USP42: variants seen among roughly 807,000 people sequenced by gnomAD.
The protein encoded by USP42 is ubiquitin carboxyl-terminal hydrolase 42.
A neutral mutation model predicts 113.0 loss-of-function variants in USP42; 23 were observed. That is an observed-to-expected ratio of 0.20 (90% CI 0.15 to 0.29). The LOEUF is 0.29. Among genes scored for constraint, USP42 ranks in the 10% least tolerant of loss-of-function variants. The pLI, the probability that USP42 is intolerant of heterozygous loss-of-function variation, is 1.00. For missense variants in USP42, 2,174 were observed against 1,779.8 expected (o/e 1.22, Z -3.99); for synonymous variants, 933 against 699.0 (o/e 1.33, Z -5.28).
the USP42 span, among the ~76,000 whole-genome samples, chr7:6,092,017 C>CTTCTTCTTCTTCTTCTTCTT: frequency 9.6e-6 from 1 of 104,636 alleles, no homozygotes; most frequent in African/African-American, 3.8e-5. Context: ...TCTTCTTCTT[C>CTTCTTCTTCTTCTTCTTCTT]TTCTTCTTCT....
intron 3 of USP42, among the ~76,000 whole-genome samples, chr7:6,126,462 A>G (rs903230251): frequency 6.6e-6 from 1 of 151,580 alleles, no homozygotes; most frequent in African/African-American, 2.4e-5. Context: ...TTTTTTTTGT[A>G]TTTTTAGTAG....
chr7:6,111,087 A>C (rs751292352), intron 1 of USP42, 38 bp from the exon 2 acceptor site: 1 of 1,579,042 alleles, frequency 6.3e-7, no homozygotes, highest in African/African-American at 1.3e-5. Context: ...TGCTTTTCTC[A>C]CCTGATGAAA....
At chr7:6,147,347 CAGCTACTCAGGAGGCTG>C (rs1781772468) in intron 11 of USP42, among the ~76,000 whole-genome samples, 1 of 152,162 alleles carries the variant, frequency 6.6e-6, no homozygotes, top group Admixed American at 6.5e-5. Flanking sequence ...TCTGTGGTCC[CAGCTACTCAGGAGGCTG>C]AGGCAGGAGG....
intron 8 of USP42, among the ~76,000 whole-genome samples, chr7:6,143,254 G>A (rs577036158): frequency 3.3e-5 from 5 of 152,320 alleles, no homozygotes; most frequent in Non-Finnish European, 7.3e-5. Flanking sequence ...GGCAGATTCG[G>A]TGGGAGGAGA....
At position 6,154,756 on chromosome 7, in the gene USP42, C is replaced by A; in HGVS notation, c.3202C>A (p.Leu1068Met). The change falls in exon 15 of 18, where the codon CTG becomes ATG. Residue 1068 changes from leucine (L) to methionine (M), a missense_variant. Transcript: ENST00000306177. ...RCRYYHDRYA[L>M]YAARDWKPFH... Reference sequence around the variant, plus strand: ...CCGGTACTACCATGACAGGTACGCCCTGTACGCTGCCCGGGACTGGAAGCC... The same window carrying A: ...CCGGTACTACCATGACAGGTACGCCATGTACGCTGCCCGGGACTGGAAGCC... The A allele has an allele frequency of 6.4e-7, 1 of 1,561,878 alleles. No individual in the cohort carries two copies. The highest frequency in any genetic ancestry group is 1.4e-5 in the African/African-American group (1 of 73,552).
At chr7:6,140,045 G>A in intron 5 of USP42, 83 bp from the exon 6 acceptor site, 1 of 1,215,486 alleles carries the variant, frequency 8.2e-7, no homozygotes, top group Non-Finnish European at 1.2e-6. Context: ...TCTTTTGTGA[G>A]CTCCCATGTG....
the USP42 span, among the ~76,000 whole-genome samples, chr7:6,091,099 G>A: frequency 6.6e-6 from 1 of 150,760 alleles, no homozygotes; most frequent in South Asian, 2.1e-4. Context: ...ACTTACTTCG[G>A]TTTATTGCAT....
the USP42 span, among the ~76,000 whole-genome samples, chr7:6,092,427 C>T: frequency 1.3e-5 from 2 of 150,798 alleles, no homozygotes; most frequent in African/African-American, 2.5e-5. Flanking sequence ...GATCTGCCCA[C>T]CTTGGGCTCT....
intron 2 of USP42, 46 bp from the exon 3 acceptor site, chr7:6,115,277 A>G: frequency 6.3e-7 from 1 of 1,581,614 alleles, no homozygotes; most frequent in African/African-American, 1.3e-5. Context: ...ATTTAGCTTC[A>G]GTATGCAAAG....
At chr7:6,103,391 CCGGGCGTGGTGG>C (rs1790192388), upstream of USP42, among the ~76,000 whole-genome samples, 1 of 150,538 alleles carries the variant, frequency 6.6e-6, no homozygotes, top group South Asian at 2.1e-4. Flanking sequence ...AAAAAATTAG[CCGGGCGTGGTGG>C]CGGGCATCTG....
chr7:6,146,046 A>G, intron 10 of USP42, 102 bp from the exon 11 acceptor site: 1 of 909,356 alleles, frequency 1.1e-6, no homozygotes, highest in South Asian at 1.5e-5. Context: ...TGGGTGACAG[A>G]GTGAGACTCC....
At chr7:6,140,299 C>G in intron 6 of USP42, 104 bp downstream of exon 6, 3 of 1,014,138 alleles carry the variant, frequency 3.0e-6, no homozygotes, top group Non-Finnish European at 4.4e-6. Flanking sequence ...AAAAGTGCTT[C>G]TCTCCAGCCC....
chr7:6,109,160 A>C (rs950698683), intron 1 of USP42, among the ~76,000 whole-genome samples: 4 of 152,180 alleles, frequency 2.6e-5, no homozygotes, highest in African/African-American at 9.7e-5. Flanking sequence ...GAGAAGTGGA[A>C]GTGTGAACTG....
At chr7:6,118,817 A>T (rs1780053091) in intron 3 of USP42, among the ~76,000 whole-genome samples, 1 of 152,190 alleles carries the variant, frequency 6.6e-6, no homozygotes, top group Admixed American at 6.6e-5. Context: ...AAGAAAAAAA[A>T]TCAGTAAGCC....
chr7:6,112,353 G>T (rs1358051247), intron 2 of USP42, among the ~76,000 whole-genome samples: 1 of 152,088 alleles, frequency 6.6e-6, no homozygotes, highest in Non-Finnish European at 1.5e-5. Flanking sequence ...GGAGGCTGAG[G>T]CAGGAGAATC....
At position 6,159,075 on chromosome 7, in the gene USP42, C is replaced by G. The variant is rs1328067396; in HGVS notation, c.3944-375C>G. ...TGAGAAGGCCGCTGCCCGGCCCCGC[C>G]TCACCCAGCGTCCTGTGGTCCTGCG... On this transcript the variant is annotated intron_variant, in intron 16 of 17. Transcript: ENST00000306177. This position sits in a 1 kb window ranked among gnomAD's most constrained non-coding sequence, Gnocchi z 4.1. 6.6e-6 allele frequency among the ~76,000 whole-genome samples: 1 copy of G among 152,214 alleles called. No homozygotes were observed. Among genetic ancestry groups the G allele is most frequent in the African/African-American group, 2.4e-5 (1 of 41,452 alleles).
In USP42 at chr7:6,140,993, C is replaced by T. The variant is rs757387218; in HGVS notation, c.795+9C>T. 1.4e-6 allele frequency: 2 copies of T among 1,396,498 alleles called. No individual in the cohort carries two copies. Among genetic ancestry groups the T allele is most frequent in the Non-Finnish European group, 2.0e-6 (2 of 1,008,782 alleles). The allele number at this position is 1,396,498 out of a possible 1,614,324, so 86.5% of individuals were successfully genotyped here. On this transcript the variant is annotated intron_variant, in intron 7 of 17. Transcript: ENST00000306177. ...TAACATTGGAGATAAAGGTAAATTTCATAATTATGGGAGTAATTACATTTT... is the reference window on the plus strand; with the variant it reads ...TAACATTGGAGATAAAGGTAAATTTTATAATTATGGGAGTAATTACATTTT...
chr7:6,124,862 C>T lies in USP42; in HGVS notation c.442+9339C>T, dbSNP rs561017788. 8.2e-4 allele frequency among the ~76,000 whole-genome samples: 124 copies of T among 151,940 alleles called. 1 individual carries two copies. The highest frequency in any genetic ancestry group is 2.9e-3 in the African/African-American group (118 of 41,402). ...TGGTTACTTTAGGTTATATCTTTAA[C>T]GTATCAGTTTACCTTCAAATAACAT... On this transcript the variant is annotated intron_variant, in intron 3 of 17. Transcript: ENST00000306177.
At chr7:6,156,666 G>C in intron 15 of USP42, 88 bp from the exon 16 acceptor site, 1 of 1,447,262 alleles carries the variant, frequency 6.9e-7, no homozygotes, top group South Asian at 1.5e-5. Context: ...GAATGTTCTC[G>C]GTGAATGGGT....
Sources: gnomAD v4.1 joint callset for allele counts (sites outside exome capture counted in the v4.1 genomes callset) on GRCh38, gnomAD v4.1.1 for gene constraint, Gnocchi (gnomAD v3.1) non-coding constraint, MANE v1.5 for transcripts, NCBI Gene and HGNC (gene_info 2026-07-23, HGNC 2026-07-21) for gene names.